Variants in RDX observed in about 807,000 individuals in gnomAD.
RDX encodes radixin.
A neutral mutation model predicts 83.7 loss-of-function variants in RDX; 32 were observed. The observed-to-expected ratio is 0.38, with a 90% confidence interval of 0.29 to 0.51. The LOEUF (loss-of-function observed/expected upper bound fraction) is 0.51, where lower values mean the gene tolerates loss of function less well. Ranked by LOEUF, RDX falls within the 20% of genes least tolerant of loss-of-function variation. The pLI is 0.87. For synonymous variants in RDX, 229 were observed against 222.7 expected, an observed-to-expected ratio of 1.03 and a Z score of -0.25; for missense variants, 600 against 689.9, an observed-to-expected ratio of 0.87 and a Z score of 1.46.
chr11:110,186,894 T>TCTCA (rs1387259766), intron 15 of RDX, among the ~76,000 whole-genome samples: 1 of 152,168 alleles, frequency 6.6e-6, no homozygotes, highest in Non-Finnish European at 1.5e-5. Context: ...GGCATTTTAG[T>TCTCA]CTCAGGTTAG....
chr11:110,236,322 T>C, intron 11 of RDX, 131 bp from the exon 12 acceptor site: 1 of 683,318 alleles, frequency 1.5e-6, no homozygotes, highest in East Asian at 2.8e-5. Flanking sequence ...AAATACAGTA[T>C]TTCTTAAGAT....
chr11:110,255,403 T>C lies in RDX; in HGVS notation c.699-18A>G. 1.6e-6 allele frequency: 2 copies of C among 1,239,290 alleles called. No homozygotes were observed. The highest frequency in any genetic ancestry group is 1.2e-6 in the Non-Finnish European group (1 of 838,808). The allele number at this position is 1,239,290 out of a possible 1,614,324, so 76.8% of individuals were successfully genotyped here. ...GTGTTAACCTTAAAAAATGAAAGCATCTCCTTAATTAAAGGCAGGAAACAA... is the reference window on the plus strand; with the variant it reads ...GTGTTAACCTTAAAAAATGAAAGCACCTCCTTAATTAAAGGCAGGAAACAA... On this transcript the variant is annotated intron_variant, in intron 7 of 13. Coordinates refer to ENST00000645495, the MANE Select transcript of RDX (RefSeq NM_002906.4).
intron 2 of RDX, among the ~76,000 whole-genome samples, chr11:110,274,967 T>C (rs1416134362): frequency 6.6e-6 from 1 of 152,230 alleles, no homozygotes; most frequent in African/African-American, 2.4e-5. Flanking sequence ...CTTCTACTTT[T>C]ACCACATAAT....
At chr11:110,289,973 A>AAAAAAC (rs1247967458) in intron 1 of RDX, among the ~76,000 whole-genome samples, 28 of 148,306 alleles carry the variant, frequency 1.9e-4, no homozygotes, top group African/African-American at 6.7e-4. Context: ...AAAAAAAAAA[A>AAAAAAC]AAAAAAAAAC....
intron 9 of RDX, 77 bp from the exon 10 acceptor site, chr11:110,247,910 T>TA: frequency 6.7e-7 from 1 of 1,483,912 alleles, no homozygotes. Flanking sequence ...TACTCTGCCA[T>TA]AAAAAGTAAC....
intron 14 of RDX, among the ~76,000 whole-genome samples, chr11:110,219,613 AATT>A (rs1444467574): frequency 6.6e-6 from 1 of 152,146 alleles, no homozygotes; most frequent in African/African-American, 2.4e-5. Flanking sequence ...GGGCCAACAG[AATT>A]ATGATTGGAC....
At chr11:110,281,004 GAAATACAAA>G (rs913889201) in intron 1 of RDX, among the ~76,000 whole-genome samples, 3 of 151,916 alleles carry the variant, frequency 2.0e-5, no homozygotes, top group African/African-American at 7.3e-5. Context: ...ATCTATACCA[GAAATACAAA>G]AATTAGCCGG....
At chr11:110,208,010 G>T (rs372417076) in intron 14 of RDX, among the ~76,000 whole-genome samples, 3 of 146,966 alleles carry the variant, frequency 2.0e-5, no homozygotes, top group Non-Finnish European at 4.5e-5. Flanking sequence ...TTTTAATAGA[G>T]ACGGGGCACC....
At chr11:110,234,761 T>C (rs1046041795) in intron 12 of RDX, among the ~76,000 whole-genome samples, 11 of 152,178 alleles carry the variant, frequency 7.2e-5, no homozygotes, top group Non-Finnish European at 1.5e-5. Context: ...TATTTATATA[T>C]AACTAATTTT....
intron 15 of RDX, among the ~76,000 whole-genome samples, chr11:110,196,333 G>A (rs1254328331): frequency 6.6e-6 from 1 of 152,178 alleles, no homozygotes; most frequent in Non-Finnish European, 1.5e-5. Flanking sequence ...GAGTGATGAA[G>A]GGGAATGGAA....
intron 15 of RDX, among the ~76,000 whole-genome samples, chr11:110,176,066 C>A (rs992838419): frequency 1.3e-5 from 2 of 149,952 alleles, no homozygotes; most frequent in South Asian, 4.2e-4. Flanking sequence ...CAGCACCAGC[C>A]TTTTTTTCTT....
intron 15 of RDX, among the ~76,000 whole-genome samples, chr11:110,176,323 T>C (rs10891072): frequency 0.61 from 92,533 of 151,876 alleles, 29,197 homozygotes; most frequent in East Asian, 0.83. Context: ...CTCAGCCTCC[T>C]AAGGTACTGG....
intron 2 of RDX, among the ~76,000 whole-genome samples, chr11:110,278,684 G>A (rs1374384287): frequency 2.0e-5 from 3 of 151,862 alleles, no homozygotes; most frequent in Non-Finnish European, 4.4e-5. Flanking sequence ...CTGCAAATAG[G>A]AAATTTTCTT....
rs918737781 is a variant in RDX, at chr11:110,208,661, A to T, written c.1749-8983T>A. ...ATTTCTAGGGCTTTAACAATCATTTATTAATTTAAAAAAATAGCCAGGTGT... is the reference window on the plus strand; with the variant it reads ...ATTTCTAGGGCTTTAACAATCATTTTTTAATTTAAAAAAATAGCCAGGTGT... On this transcript the variant is annotated intron_variant, in intron 14 of 15. Coordinates refer to the RDX transcript ENST00000528498. Among the ~76,000 whole-genome samples the T allele has an allele frequency of 1.2e-4, 19 of 152,294 alleles. 1 individual carries two copies. Among genetic ancestry groups the T allele is most frequent in the Admixed American group, 1.1e-3 (17 of 15,292 alleles).
chr11:110,290,781 A>T (rs1861211155), intron 1 of RDX, among the ~76,000 whole-genome samples: 1 of 152,188 alleles, frequency 6.6e-6, no homozygotes, highest in Non-Finnish European at 1.5e-5. Flanking sequence ...GCAGGAAAGC[A>T]GCCATAGATA....
intron 10 of RDX, among the ~76,000 whole-genome samples, chr11:110,242,872 T>C (rs1017974038): frequency 6.6e-6 from 1 of 152,150 alleles, no homozygotes; most frequent in Non-Finnish European, 1.5e-5. Context: ...ATGCTTTTTT[T>C]TTTTTTTGGT....
intron 10 of RDX, among the ~76,000 whole-genome samples, chr11:110,246,270 G>A (rs542601831): frequency 8.6e-4 from 131 of 152,228 alleles, no homozygotes; most frequent in African/African-American, 2.9e-3. Context: ...ATCAGCTTGC[G>A]CATTTATAGC....
chr11:110,206,612 T>C (rs968162697), intron 14 of RDX, among the ~76,000 whole-genome samples: 1 of 152,236 alleles, frequency 6.6e-6, no homozygotes, highest in Non-Finnish European at 1.5e-5. Flanking sequence ...GTATCTAATA[T>C]ATATACATAT....
At chr11:110,260,238 G>A (rs1859748803) in intron 5 of RDX, among the ~76,000 whole-genome samples, 3 of 151,898 alleles carry the variant, frequency 2.0e-5, no homozygotes, top group Admixed American at 6.6e-5. Flanking sequence ...CGCCCACCTC[G>A]GCCTCCCAAA....
Sources: gnomAD v4.1 joint callset for allele counts (sites outside exome capture counted in the v4.1 genomes callset) on GRCh38, gnomAD v4.1.1 for gene constraint, MANE v1.5 for transcripts, NCBI Gene and HGNC (gene_info 2026-07-23, HGNC 2026-07-21) for gene names.